PCA3: variants seen among roughly 807,000 people sequenced by gnomAD.
PCA3 encodes prostate cancer associated 3.
chr9:76,775,855 G>T (rs2053674908), intron 2 of PCA3, among the ~76,000 whole-genome samples: 1 of 152,138 alleles, frequency 6.6e-6, no homozygotes, highest in Non-Finnish European at 1.5e-5. Flanking sequence ...CTAGCCTTTA[G>T]CTCGGACCAA....
At chr9:76,768,381 C>T (rs993707969) in intron 2 of PCA3, among the ~76,000 whole-genome samples, 2 of 151,972 alleles carry the variant, frequency 1.3e-5, no homozygotes, top group South Asian at 4.2e-4. Context: ...TTAGTAGTGA[C>T]GGGGGTTCAC....
In PCA3 at chr9:76,776,476, G is replaced by A. The variant is rs193297419; in HGVS notation, n.853-32107G>A. ...CTGCAAAAGCTGAGTAGTATATCAC[G>A]GTATACATTTACACCACATTTTCTT... On this transcript the variant is annotated intron_variant and non_coding_transcript_variant, in intron 2 of 5. Transcript: ENST00000644657. Among the ~76,000 whole-genome samples, 233 of 150,886 alleles carry A rather than the reference G, an allele frequency of 1.5e-3. No homozygotes were observed. The Middle Eastern group carries it at 0.024, about 16-fold the overall frequency.
intron 2 of PCA3, among the ~76,000 whole-genome samples, chr9:76,780,766 G>C (rs2131191686): frequency 6.6e-6 from 1 of 152,284 alleles, no homozygotes; most frequent in East Asian, 1.9e-4. Context: ...TTTGTTTTCA[G>C]ATGTGGTAGG....
intron 2 of PCA3, among the ~76,000 whole-genome samples, chr9:76,771,001 C>T (rs114538609): frequency 3.0e-4 from 45 of 152,110 alleles, no homozygotes; most frequent in African/African-American, 1.1e-3. Context: ...TAAATTTTTG[C>T]TACAAATTAC....
intron 2 of PCA3, among the ~76,000 whole-genome samples, chr9:76,769,920 T>C (rs554013896): frequency 6.6e-5 from 10 of 152,316 alleles, no homozygotes; most frequent in African/African-American, 2.4e-4. Context: ...TAAATGTTTA[T>C]GTTTCAAATA....
chr9:76,777,999 A>C (rs1015676233), intron 2 of PCA3, among the ~76,000 whole-genome samples: 1 of 152,226 alleles, frequency 6.6e-6, no homozygotes, highest in Non-Finnish European at 1.5e-5. Context: ...GAAGGATAAT[A>C]AACAGTAGGT....
At chr9:76,770,874 T>C (rs78791104) in intron 2 of PCA3, among the ~76,000 whole-genome samples, 3,008 of 152,066 alleles carry the variant, frequency 0.02, 50 homozygotes, top group Middle Eastern at 0.027. Context: ...ATCTCAACTA[T>C]CAATGCGAAA....
chr9:76,764,915 T>C (rs1196496825), intron 2 of PCA3, among the ~76,000 whole-genome samples: 1 of 152,200 alleles, frequency 6.6e-6, no homozygotes, highest in Admixed American at 6.5e-5. Flanking sequence ...CTCTGGCACA[T>C]AGAAGACACT....
At chr9:76,775,472 G>T (rs886760803) in intron 2 of PCA3, among the ~76,000 whole-genome samples, 14 of 150,532 alleles carry the variant, frequency 9.3e-5, no homozygotes, top group East Asian at 2.0e-4. Flanking sequence ...AATTTTTGTG[G>T]TTTTTTTTTG....
At chr9:76,767,042 C>T (rs1387160790) in intron 2 of PCA3, among the ~76,000 whole-genome samples, 1 of 152,168 alleles carries the variant, frequency 6.6e-6, no homozygotes, top group African/African-American at 2.4e-5. Flanking sequence ...TTATTCACTG[C>T]TGTATTCTGG....
chr9:76,774,483 G>A (rs2053528400), intron 2 of PCA3, among the ~76,000 whole-genome samples: 1 of 31,844 alleles, frequency 3.1e-5, no homozygotes, highest in Admixed American at 3.4e-4. Context: ...TTTTTGAGAT[G>A]GAGTCTCACT....
At chr9:76,778,012 G>A (rs1310859157) in intron 2 of PCA3, among the ~76,000 whole-genome samples, 1 of 152,176 alleles carries the variant, frequency 6.6e-6, no homozygotes, top group African/African-American at 2.4e-5. Flanking sequence ...CAGTAGGTGA[G>A]GTTAGAGGGG....
At chr9:76,769,683 C>A (rs963070373) in intron 2 of PCA3, among the ~76,000 whole-genome samples, 1 of 152,110 alleles carries the variant, frequency 6.6e-6, no homozygotes, top group Non-Finnish European at 1.5e-5. Context: ...CCTCAGGCTC[C>A]CAAAGTGCTG....
intron 2 of PCA3, chr9:76,779,775 C>T (rs923963283): frequency 1.3e-5 from 2 of 152,184 alleles, no homozygotes; most frequent in Admixed American, 6.5e-5. Context: ...TCATTTACAT[C>T]GCTAATTGCC....
intron 2 of PCA3, among the ~76,000 whole-genome samples, chr9:76,765,976 A>G (rs906838639): frequency 6.6e-6 from 1 of 152,048 alleles, no homozygotes; most frequent in Admixed American, 6.6e-5. Flanking sequence ...AGGTCAAGAG[A>G]TTGAGACCAT....
chr9:76,768,577 ATATGTATGTGTG>A (rs1485545946), intron 2 of PCA3, among the ~76,000 whole-genome samples: 12 of 98,072 alleles, frequency 1.2e-4, no homozygotes, highest in African/African-American at 2.3e-4. Context: ...ATATATATGT[ATATGTATGTGTG>A]TGTGTGTGTG....
chr9:76,781,797 T>G (rs1175175224), intron 2 of PCA3, among the ~76,000 whole-genome samples: 4 of 152,230 alleles, frequency 2.6e-5, no homozygotes. Flanking sequence ...ACGGTGAATG[T>G]CTTGGTATTT....
intron 2 of PCA3, chr9:76,786,267 G>C (rs1048165590): frequency 6.6e-6 from 1 of 152,150 alleles, no homozygotes; most frequent in Non-Finnish European, 1.5e-5. Flanking sequence ...TCTTTGAACT[G>C]ATGCTCATAG....
At chr9:76,785,267 T>C (rs2054858444) in intron 2 of PCA3, 1 of 152,212 alleles carries the variant, frequency 6.6e-6, no homozygotes, top group South Asian at 2.1e-4. Context: ...AAGTTGACTA[T>C]CTTACTTCAT....
Sources: allele counts gnomAD v4.1 joint callset (sites outside exome capture counted in the v4.1 genomes callset), GRCh38; gene constraint gnomAD v4.1.1; transcripts MANE v1.5; gene names NCBI Gene and HGNC (gene_info 2026-07-23, HGNC 2026-07-21).